FBXL17: variants seen among roughly 807,000 people sequenced by gnomAD.
FBXL17 encodes F-box and leucine rich repeat protein 17, also known as F-box/LRR-repeat protein 17.
In FBXL17, 22 loss-of-function variants were observed where a neutral mutation model predicts 66.2. The ratio of observed to expected loss-of-function variants is 0.33; its 90% CI spans 0.24 to 0.47. The LOEUF (loss-of-function observed/expected upper bound fraction) is 0.47, where lower values mean the gene tolerates loss of function less well. Among genes scored for constraint, FBXL17 ranks in the 20% least tolerant of loss-of-function variants. The pLI is 1.00. For missense variants in FBXL17, 878 were observed against 948.2 expected (o/e 0.93, Z 0.97); for synonymous variants, 474 against 400.5 (o/e 1.18, Z -2.19).
chr5:107,934,834 C>T (rs1750846476), intron 7 of FBXL17, among the ~76,000 whole-genome samples: 1 of 152,104 alleles, frequency 6.6e-6, no homozygotes, highest in Non-Finnish European at 1.5e-5. Context: ...GCCCTAATGA[C>T]ACAAACTTTA....
At chr5:107,982,644 C>A (rs1413177404) in intron 7 of FBXL17, among the ~76,000 whole-genome samples, 1 of 152,110 alleles carries the variant, frequency 6.6e-6, no homozygotes, top group African/African-American at 2.4e-5. Context: ...TTCTATAAAC[C>A]ATTTTACTGA....
chr5:108,104,010 A>T (rs939985357), intron 6 of FBXL17, among the ~76,000 whole-genome samples: 2 of 152,040 alleles, frequency 1.3e-5, no homozygotes, highest in Non-Finnish European at 2.9e-5. Context: ...CATCAATTTT[A>T]TTCTTTCTGC....
intron 6 of FBXL17, among the ~76,000 whole-genome samples, chr5:108,069,230 A>G (rs1256566002): frequency 1.3e-5 from 2 of 152,214 alleles, no homozygotes; most frequent in African/African-American, 4.8e-5. Context: ...CTGAAACCAT[A>G]ATATCATTTG....
intron 4 of FBXL17, among the ~76,000 whole-genome samples, chr5:108,342,018 G>C (rs1240140291): frequency 6.6e-6 from 1 of 152,090 alleles, no homozygotes; most frequent in Admixed American, 6.6e-5. Flanking sequence ...CATGAGACCA[G>C]GATCTTCTCT....
intron 7 of FBXL17, among the ~76,000 whole-genome samples, chr5:107,921,719 C>A (rs1165423666): frequency 6.6e-6 from 1 of 152,172 alleles, no homozygotes; most frequent in African/African-American, 2.4e-5. Context: ...TTGGGCTTCC[C>A]CTTGGGAAGC....
chr5:107,889,840 TTGAG>T (rs1429316910), intron 7 of FBXL17, among the ~76,000 whole-genome samples: 4 of 152,190 alleles, frequency 2.6e-5, no homozygotes, highest in African/African-American at 4.8e-5. Flanking sequence ...AAAAATTTGA[TTGAG>T]TATGTAGAAA....
intron 4 of FBXL17, among the ~76,000 whole-genome samples, chr5:108,309,808 T>A (rs1254804854): frequency 6.6e-6 from 1 of 152,088 alleles, no homozygotes; most frequent in Non-Finnish European, 1.5e-5. Flanking sequence ...CTTTACTGTG[T>A]TTTCCAAGGT....
At chr5:108,174,205 C>A (rs533898050) in intron 6 of FBXL17, among the ~76,000 whole-genome samples, 1 of 152,186 alleles carries the variant, frequency 6.6e-6, no homozygotes, top group African/African-American at 2.4e-5. Flanking sequence ...TAATCTACTC[C>A]TCAATTTATT....
chr5:108,060,382 C>G (rs1341370307), intron 6 of FBXL17, among the ~76,000 whole-genome samples: 1 of 152,026 alleles, frequency 6.6e-6, no homozygotes. Context: ...GCTGTTCAGC[C>G]AATCTGTTTA....
At chr5:108,380,604 T>A in intron 1 of FBXL17, 95 bp downstream of exon 1, 1 of 767,054 alleles carries the variant, frequency 1.3e-6, no homozygotes, top group Non-Finnish European at 1.8e-6. Context: ...GGAACCCCCC[T>A]CCTCCGCGCT....
At chr5:108,056,317 C>G (rs1170528365) in intron 6 of FBXL17, among the ~76,000 whole-genome samples, 2 of 152,152 alleles carry the variant, frequency 1.3e-5, no homozygotes, top group Admixed American at 6.5e-5. Context: ...CAAAGAGTTG[C>G]AGAACAGCAC....
chr5:107,921,887 C>G (rs1001416274), intron 7 of FBXL17, among the ~76,000 whole-genome samples: 1 of 152,322 alleles, frequency 6.6e-6, no homozygotes, highest in African/African-American at 2.4e-5. Flanking sequence ...CACATTTTCT[C>G]TGCGCACATG....
chr5:107,946,597 G>A (rs968953910), intron 7 of FBXL17, among the ~76,000 whole-genome samples: 7 of 151,712 alleles, frequency 4.6e-5, no homozygotes, highest in Non-Finnish European at 7.4e-5. Flanking sequence ...ATGGGCCACA[G>A]CTTCCAGCTA....
chr5:107,943,372 A>G (rs1751176924), intron 7 of FBXL17, among the ~76,000 whole-genome samples: 1 of 152,052 alleles, frequency 6.6e-6, no homozygotes, highest in Non-Finnish European at 1.5e-5. Flanking sequence ...TCCTAGGTTT[A>G]CCACCTTAGT....
At chr5:108,139,134 AGTATGTGTGTGTT>A (rs1218249684) in intron 6 of FBXL17, among the ~76,000 whole-genome samples, 25 of 152,306 alleles carry the variant, frequency 1.6e-4, no homozygotes, top group Non-Finnish European at 2.4e-4. Flanking sequence ...TGCCATATTT[AGTATGTGTGTGTT>A]TGCACGCTCA....
At chr5:108,260,311 TG>T (rs781229888) in intron 4 of FBXL17, among the ~76,000 whole-genome samples, 17 of 152,058 alleles carry the variant, frequency 1.1e-4, no homozygotes, top group Non-Finnish European at 1.5e-5. Context: ...ATTGGGAGAT[TG>T]GGTGGTTCCT....
intron 6 of FBXL17, among the ~76,000 whole-genome samples, chr5:108,159,242 A>C (rs899741780): frequency 6.6e-6 from 1 of 152,184 alleles, no homozygotes; most frequent in African/African-American, 2.4e-5. Context: ...GCTTTTTCTT[A>C]CTTCAAAACA....
chr5:108,192,358 T>C (rs555735092), intron 5 of FBXL17, among the ~76,000 whole-genome samples: 11 of 152,216 alleles, frequency 7.2e-5, no homozygotes, highest in Non-Finnish European at 1.5e-4. Flanking sequence ...TTTAGTAAGG[T>C]ATTTTAACAG....
At chr5:108,249,431 T>C (rs1756250658) in intron 4 of FBXL17, among the ~76,000 whole-genome samples, 1 of 152,180 alleles carries the variant, frequency 6.6e-6, no homozygotes, top group Admixed American at 6.6e-5. Context: ...CAAACAAATA[T>C]ACTGCCTCAT....
Sources: allele counts gnomAD v4.1 joint callset (sites outside exome capture counted in the v4.1 genomes callset), GRCh38; gene constraint gnomAD v4.1.1; transcripts MANE v1.5; gene names NCBI Gene and HGNC (gene_info 2026-07-23, HGNC 2026-07-21).